Variants in CWC27 observed in about 807,000 individuals in gnomAD.
The protein encoded by CWC27 is CWC27 spliceosome associated cyclophilin, also known as spliceosome-associated protein CWC27 homolog.
Under a neutral mutation model 63.6 loss-of-function variants are expected in CWC27, and 47 were observed. The observed-to-expected ratio is 0.74, with a 90% CI of 0.58 to 0.94. The LOEUF (loss-of-function observed/expected upper bound fraction) is 0.94. CWC27 is among the 40% of genes least tolerant of loss of function. The probability of loss-of-function intolerance (pLI) is 0.00; values close to 1 mark genes in which losing one functional copy is unlikely to be tolerated. For missense variants in CWC27, 495 were observed against 554.3 expected (o/e 0.89, Z 1.07); for synonymous variants, 175 against 179.8 (o/e 0.97, Z 0.22).
intron 12 of CWC27, 113 bp downstream of exon 12, chr5:64,971,925 A>G: frequency 1.9e-6 from 1 of 528,286 alleles, no homozygotes; most frequent in Admixed American, 3.8e-5. Flanking sequence ...ACCTCTTAAA[A>G]ATAAAAAAGA....
chr5:64,815,078 C>T (rs1744989653), intron 10 of CWC27, among the ~76,000 whole-genome samples: 1 of 152,072 alleles, frequency 6.6e-6, no homozygotes, highest in South Asian at 2.1e-4. Flanking sequence ...ACTGGATATT[C>T]CTACTCCTCT....
intron 11 of CWC27, among the ~76,000 whole-genome samples, chr5:64,921,751 T>C (rs892598417): frequency 2.0e-5 from 3 of 152,198 alleles, no homozygotes; most frequent in African/African-American, 7.2e-5. Context: ...CTTTATAGTG[T>C]CAGTGGGTTA....
chr5:64,773,990 CAG>C, intron 1 of CWC27: 1 of 152,100 alleles, frequency 6.6e-6, no homozygotes, highest in African/African-American at 2.4e-5. Context: ...GTTAAATGAG[CAG>C]AGAGAGTAAA....
chr5:64,914,563 A>G (rs993984831), intron 11 of CWC27, among the ~76,000 whole-genome samples: 13 of 152,188 alleles, frequency 8.5e-5, no homozygotes, highest in Non-Finnish European at 1.6e-4. Flanking sequence ...GGAAAATGCA[A>G]ATTAGAGCCA....
chr5:64,986,789 A>T (rs77921173), intron 13 of CWC27, among the ~76,000 whole-genome samples: 1 of 151,896 alleles, frequency 6.6e-6, no homozygotes, highest in Non-Finnish European at 1.5e-5. Flanking sequence ...CTACCAGTTT[A>T]TGGCTCCAGT....
At chr5:64,974,821 A>G (rs956448981) in intron 12 of CWC27, among the ~76,000 whole-genome samples, 5 of 152,152 alleles carry the variant, frequency 3.3e-5, no homozygotes, top group Non-Finnish European at 7.4e-5. Context: ...TTTTACTTCT[A>G]TTTTTCAATA....
chr5:64,942,262 C>T (rs1251718796), intron 11 of CWC27, among the ~76,000 whole-genome samples: 1 of 151,206 alleles, frequency 6.6e-6, no homozygotes, highest in Non-Finnish European at 1.5e-5. Flanking sequence ...CCCGTCTCTA[C>T]AAAAATAAAA....
At chr5:64,773,933 C>T (rs1743350244) in intron 1 of CWC27, 1 of 151,920 alleles carries the variant, frequency 6.6e-6, no homozygotes, top group Non-Finnish European at 1.5e-5. Flanking sequence ...AATCACAAGC[C>T]AGAATTAGAT....
intron 10 of CWC27, among the ~76,000 whole-genome samples, chr5:64,859,625 A>G (rs1315794074): frequency 1.3e-5 from 2 of 152,192 alleles, no homozygotes; most frequent in Non-Finnish European, 2.9e-5. Flanking sequence ...AAAAGTAGAT[A>G]TATCAGGAAT....
intron 13 of CWC27, 71 bp from the exon 14 acceptor site, chr5:65,018,088 T>C: frequency 3.9e-6 from 5 of 1,285,246 alleles, no homozygotes; most frequent in African/African-American, 1.5e-5. Flanking sequence ...ATGTCGATGA[T>C]AGTAGAGTAT....
At chr5:64,899,810 A>C (rs960225923) in intron 11 of CWC27, among the ~76,000 whole-genome samples, 10 of 152,230 alleles carry the variant, frequency 6.6e-5, no homozygotes, top group African/African-American at 2.4e-4. Flanking sequence ...ACATGTTCTC[A>C]TGCCCCTTGT....
intron 2 of CWC27, among the ~76,000 whole-genome samples, chr5:64,781,208 A>G (rs1166306588): frequency 2.0e-5 from 3 of 152,146 alleles, no homozygotes; most frequent in Non-Finnish European, 4.4e-5. Flanking sequence ...TATATTTTTG[A>G]ATTACATATA....
At chr5:64,788,173 AC>A (rs1311027952) in intron 6 of CWC27, among the ~76,000 whole-genome samples, 1 of 152,060 alleles carries the variant, frequency 6.6e-6, no homozygotes, top group Non-Finnish European at 1.5e-5. Context: ...GGTCACTGTC[AC>A]TGTATTCATA....
At chr5:64,772,972 G>T (rs1368675526) in intron 1 of CWC27, among the ~76,000 whole-genome samples, 1 of 150,804 alleles carries the variant, frequency 6.6e-6, no homozygotes, top group African/African-American at 2.4e-5. Flanking sequence ...GCATTGTGGT[G>T]TAATTTTTCA....
chr5:64,972,118 G>A (rs752856865), intron 12 of CWC27, among the ~76,000 whole-genome samples: 2 of 152,028 alleles, frequency 1.3e-5, no homozygotes, highest in Non-Finnish European at 2.9e-5. Flanking sequence ...TCTGTGTAGT[G>A]AATATTATGA....
intron 10 of CWC27, among the ~76,000 whole-genome samples, chr5:64,834,173 A>G (rs896300443): frequency 2.6e-5 from 4 of 151,052 alleles, no homozygotes; most frequent in Non-Finnish European, 5.9e-5. Context: ...TAAGAAAAAA[A>G]ACTTTCAGGC....
intron 10 of CWC27, among the ~76,000 whole-genome samples, chr5:64,815,926 C>T (rs1745014459): frequency 6.6e-6 from 1 of 152,058 alleles, no homozygotes; most frequent in South Asian, 2.1e-4. Context: ...CTCAAATTAG[C>T]TCAAGTAAAG....
intron 12 of CWC27, among the ~76,000 whole-genome samples, chr5:64,973,834 T>A (rs1282729321): frequency 6.6e-6 from 1 of 152,164 alleles, no homozygotes; most frequent in Non-Finnish European, 1.5e-5. Flanking sequence ...CTAGTATAAT[T>A]TTCTAGGAAA....
chr5:64,981,111 T>A (rs1158367605), intron 13 of CWC27, among the ~76,000 whole-genome samples: 1 of 151,996 alleles, frequency 6.6e-6, no homozygotes, highest in Non-Finnish European at 1.5e-5. Context: ...CAAAAAAATG[T>A]TCACTGTGGA....
Sources: gnomAD v4.1 joint callset for allele counts (sites outside exome capture counted in the v4.1 genomes callset) on GRCh38, gnomAD v4.1.1 for gene constraint, MANE v1.5 for transcripts, NCBI Gene and HGNC (gene_info 2026-07-23, HGNC 2026-07-21) for gene names.